JARID2: variants seen among roughly 807,000 people sequenced by gnomAD.
JARID2 encodes the protein protein Jumonji.
A neutral mutation model predicts 125.6 loss-of-function variants in JARID2; 21 were observed. That is an observed-to-expected ratio of 0.17 (90% CI 0.12 to 0.24). The LOEUF is 0.24. JARID2 is among the 10% of genes least tolerant of loss of function. The pLI, the probability that JARID2 is intolerant of heterozygous loss-of-function variation, is 1.00. For synonymous variants in JARID2, 736 were observed against 661.6 expected (o/e 1.11, Z -1.73); for missense variants, 1,303 against 1,639.6 (o/e 0.79, Z 3.55).
At chr6:15,272,070 A>C (rs1760318872) in intron 1 of JARID2, among the ~76,000 whole-genome samples, 1 of 152,020 alleles carries the variant, frequency 6.6e-6, no homozygotes. Flanking sequence ...GGTTGCAGCG[A>C]GCCAGGATCG....
intron 3 of JARID2, among the ~76,000 whole-genome samples, chr6:15,411,792 C>CT (rs769328461): frequency 6.6e-6 from 1 of 152,192 alleles, no homozygotes. Context: ...GCAGAATTCT[C>CT]TGAGTCTGGG....
At chr6:15,484,582 G>A (rs1010776340) in intron 5 of JARID2, among the ~76,000 whole-genome samples, 17 of 152,300 alleles carry the variant, frequency 1.1e-4, no homozygotes, top group Non-Finnish European at 2.2e-4. Context: ...CCCAGACATT[G>A]TGGTAGATGT....
chr6:15,432,873 C>T (rs1388246275), intron 3 of JARID2, among the ~76,000 whole-genome samples: 2 of 152,190 alleles, frequency 1.3e-5, no homozygotes, highest in African/African-American at 2.4e-5. Context: ...ATAAATGCAA[C>T]CATTACACCT....
rs894919436 is a variant in JARID2, at chr6:15,418,126, G to T, written c.323+7761G>T. Among the ~76,000 whole-genome samples the T allele has an allele frequency of 1.4e-4, 22 of 152,052 alleles. 1 individual carries two copies. The highest frequency in any genetic ancestry group is 3.2e-4 in the Non-Finnish European group (22 of 68,018). ...TGGTGGGGTGAGGAGATTCCATCGT[G>T]GCTGCTCATGCATTAGTCATTGCTT... is the stretch of plus-strand genomic sequence containing the variant. On this transcript the variant is annotated intron_variant, in intron 3 of 17. Transcript: ENST00000341776.
chr6:15,338,995 T>C (rs1762977044), intron 1 of JARID2, among the ~76,000 whole-genome samples: 2 of 152,190 alleles, frequency 1.3e-5, no homozygotes, highest in South Asian at 4.2e-4. Context: ...CAGGCTGCTC[T>C]GCAAGCAGCA....
In JARID2 at chr6:15,246,503, A is replaced by G. The variant is rs760129426; in HGVS notation, c.-37A>G. The G allele has an allele frequency of 2.5e-6, 4 of 1,589,676 alleles. 1 individual carries two copies. The Admixed American group carries it at 5.1e-5, about 20-fold the overall frequency. ...TCTGACGGCTTTAAATTCATGAAGC[A>G]ATTGTCCCCTTTTGCAATCAGCATT... is the stretch of plus-strand genomic sequence containing the variant. On this transcript the variant is annotated 5_prime_UTR_variant, in exon 1 of 18. Coordinates refer to ENST00000341776, the MANE Select transcript of JARID2 (RefSeq NM_004973.4).
intron 1 of JARID2, among the ~76,000 whole-genome samples, chr6:15,310,294 T>G (rs552959953): frequency 6.6e-6 from 1 of 152,304 alleles, no homozygotes; most frequent in Admixed American, 6.5e-5. Context: ...AAAATGATAC[T>G]TCCTGCCATA....
intron 3 of JARID2, among the ~76,000 whole-genome samples, chr6:15,445,502 A>G (rs995397007): frequency 6.6e-6 from 1 of 152,244 alleles, no homozygotes; most frequent in East Asian, 1.9e-4. Context: ...AGAAAAAGAA[A>G]GTCACCTTCC....
chr6:15,254,938 A>G (rs1759600047), intron 1 of JARID2, among the ~76,000 whole-genome samples: 1 of 151,778 alleles, frequency 6.6e-6, no homozygotes, highest in African/African-American at 2.4e-5. Context: ...GCTACTTGGA[A>G]GGCCGAGGCA....
In JARID2 at chr6:15,410,314, C is replaced by G; in HGVS notation, c.272C>G (p.Thr91Ser). The change falls in exon 3 of 18, where the codon ACT becomes AGT. Residue 91 changes from threonine to serine, a missense_variant. Physicochemically the swap from Thr to Ser is moderately conservative, Grantham distance 58 (BLOSUM62 1). This residue lies in a region of JARID2 where 93 missense variants were observed against 120.4 expected (regional missense o/e 0.77). Transcript: ENST00000341776. Reference protein sequence around the residue: ...EKDDASQVSSTSNDVSSSDFE... With the variant: ...EKDDASQVSSSSNDVSSSDFE... The stretch of plus-strand genomic sequence containing the variant: ...GACGATGCATCCCAAGTGTCCTCCA[C>G]TAGCAACGATGTTAGTTCTTCAGAT... 2 of 1,614,128 alleles carry G rather than the reference C, an allele frequency of 1.2e-6. No homozygotes were observed. Among genetic ancestry groups the G allele is most frequent in the Non-Finnish European group, 1.7e-6 (2 of 1,180,000 alleles).
intron 1 of JARID2, among the ~76,000 whole-genome samples, chr6:15,369,642 A>G (rs1053440089): frequency 1.3e-5 from 2 of 152,236 alleles, no homozygotes; most frequent in African/African-American, 4.8e-5. Context: ...CTAATGGGCT[A>G]TTAGTTGACT....
At chr6:15,426,788 T>G (rs1235715128) in intron 3 of JARID2, among the ~76,000 whole-genome samples, 1 of 152,216 alleles carries the variant, frequency 6.6e-6, no homozygotes, top group Non-Finnish European at 1.5e-5. Context: ...CTTGGATAAT[T>G]ACAAGGAGGT....
Position 15,520,567 on chromosome 6 carries a change from TGTAACTGTTGGGGGGAAAAAGGC to T in JARID2, c.*317_*339del. 6.6e-6 allele frequency: 2 copies of T among 301,368 alleles called. No individual in the cohort carries two copies. Among genetic ancestry groups the T allele is most frequent in the South Asian group, 3.2e-5 (1 of 31,366 alleles). 18.7% of individuals were successfully genotyped at this position (301,368 alleles called of 1,614,324 possible). ...TTTTTGGTTTTGATTTTTTTTTTTT[TGTAACTGTTGGGGGGAAAAAGGC>T]TTTTTAACCCATTTTTGAAGAGGGT... On this transcript the variant is annotated 3_prime_UTR_variant, in exon 18 of 18. Transcript: ENST00000341776.
intron 3 of JARID2, among the ~76,000 whole-genome samples, chr6:15,414,007 T>A (rs1766017822): frequency 6.6e-6 from 1 of 152,232 alleles, no homozygotes; most frequent in Non-Finnish European, 1.5e-5. Flanking sequence ...TTTAGAATGA[T>A]ACGAATTGCT....
chr6:15,320,517 A>G (rs1244427571), intron 1 of JARID2, among the ~76,000 whole-genome samples: 2 of 152,166 alleles, frequency 1.3e-5, no homozygotes, highest in African/African-American at 2.4e-5. Flanking sequence ...TTAATTATCA[A>G]AAACCATACA....
intron 4 of JARID2, among the ~76,000 whole-genome samples, chr6:15,464,798 C>A (rs147076422): frequency 5.8e-4 from 88 of 152,242 alleles, no homozygotes; most frequent in Admixed American, 2.2e-3. Context: ...TGATTCTTTA[C>A]CTTTAGATCC....
At chr6:15,352,324 G>A (rs182042103) in intron 1 of JARID2, among the ~76,000 whole-genome samples, 11 of 152,122 alleles carry the variant, frequency 7.2e-5, no homozygotes, top group Admixed American at 3.3e-4. Flanking sequence ...TCTCCACCCC[G>A]TTCTTAATAT....
Position 15,517,271 on chromosome 6 carries a change from C to T in JARID2, c.3558+3C>T, listed in dbSNP as rs763773344. On this transcript the variant is annotated splice_donor_region_variant and intron_variant, in intron 17 of 17. Coordinates refer to ENST00000341776, the MANE Select transcript of JARID2 (RefSeq NM_004973.4). ...AGTTGATGTACCGCTACGATGAGGT[C>T]AGTCCCTGCCCGCGGGGTAGGGCAG... 13 of 1,606,130 alleles carry T rather than the reference C, an allele frequency of 8.1e-6. No homozygotes were observed. The highest frequency in any genetic ancestry group is 1.0e-5 in the Non-Finnish European group (12 of 1,172,922).
intron 1 of JARID2, among the ~76,000 whole-genome samples, chr6:15,328,677 A>G (rs561707682): frequency 2.8e-4 from 42 of 152,328 alleles, no homozygotes; most frequent in African/African-American, 8.7e-4. Flanking sequence ...CAGACTTCAG[A>G]ACATCCATAC....
Sources: gnomAD v4.1 joint callset for allele counts (sites outside exome capture counted in the v4.1 genomes callset) on GRCh38, gnomAD v4.1.1 for gene constraint, gnomAD v4.1.1 regional missense constraint, MANE v1.5 for transcripts, NCBI Gene and HGNC (gene_info 2026-07-23, HGNC 2026-07-21) for gene names.